The following AKAP13 variants were observed in gnomAD, a reference collection of about 807,000 sequenced individuals.
AKAP13 encodes the protein A-kinase anchor protein 13.
Under a neutral mutation model 264.5 loss-of-function variants are expected in AKAP13, and 80 were observed. The ratio of observed to expected loss-of-function variants is 0.30; its 90% confidence interval spans 0.25 to 0.36. The LOEUF is 0.36. Ranked by LOEUF, AKAP13 falls within the 10% of genes least tolerant of loss-of-function variation. The probability of loss-of-function intolerance (pLI) is 1.00; values close to 1 mark genes in which losing one functional copy is unlikely to be tolerated. For synonymous variants in AKAP13, 1,380 were observed against 1,250.2 expected (o/e 1.10, Z -2.19); for missense variants, 3,712 against 3,435.2 (o/e 1.08, Z -2.01).
intron 2 of AKAP13, among the ~76,000 whole-genome samples, chr15:85,512,362 T>G (rs2076456085): frequency 6.6e-6 from 1 of 152,174 alleles, no homozygotes; most frequent in Non-Finnish European, 1.5e-5. Context: ...TTCTCCTCCC[T>G]TCTCCACCTC....
intron 19 of AKAP13, among the ~76,000 whole-genome samples, chr15:85,715,513 C>G (rs535944237): frequency 6.6e-6 from 1 of 152,092 alleles, no homozygotes; most frequent in Non-Finnish European, 1.5e-5. Context: ...AAACTATCCT[C>G]CATGGAGTTT....
At chr15:85,728,861 T>TTTTTA (rs1442451387) in intron 29 of AKAP13, among the ~76,000 whole-genome samples, 1 of 152,092 alleles carries the variant, frequency 6.6e-6, no homozygotes, top group African/African-American at 2.4e-5. Context: ...AAAATTTTTT[T>TTTTTA]TTTTAACATG....
rs574939857 is a variant in AKAP13, at chr15:85,601,528, C to G, written c.4161+15705C>G. On this transcript the variant is annotated intron_variant, in intron 8 of 36. Coordinates refer to ENST00000394518, the MANE Select transcript of AKAP13 (RefSeq NM_007200.5). Reference sequence around the variant, plus strand: ...CCAAAATAAGAAAAGCTTTTTTTCTCTGAGACAGTAAATTTAACTTATCAC... The same window carrying G: ...CCAAAATAAGAAAAGCTTTTTTTCTGTGAGACAGTAAATTTAACTTATCAC... Among the ~76,000 whole-genome samples the G allele has an allele frequency of 6.6e-5, 10 of 151,812 alleles. No individual in the cohort carries two copies. In the East Asian group the frequency reaches 9.7e-4, roughly 15 times the overall value.
chr15:85,593,671 C>T (rs2079681398), intron 8 of AKAP13, among the ~76,000 whole-genome samples: 1 of 151,858 alleles, frequency 6.6e-6, no homozygotes, highest in Non-Finnish European at 1.5e-5. Flanking sequence ...TTTCATAGAA[C>T]TGCTGAATCA....
At chr15:85,419,160 T>C (rs1464519461) in intron 1 of AKAP13, among the ~76,000 whole-genome samples, 2 of 152,244 alleles carry the variant, frequency 1.3e-5, no homozygotes, top group African/African-American at 4.8e-5. Context: ...AAGTATAATC[T>C]TTGTATCATA....
intron 1 of AKAP13, among the ~76,000 whole-genome samples, chr15:85,391,571 C>T (rs1596019084): frequency 2.1e-5 from 3 of 145,332 alleles, no homozygotes; most frequent in African/African-American, 5.1e-5. Flanking sequence ...TGCAACCTCT[C>T]CCTTCTGGGC....
At chr15:85,721,945 G>C in intron 23 of AKAP13, 46 bp from the exon 24 acceptor site, 1 of 1,608,156 alleles carries the variant, frequency 6.2e-7, no homozygotes, top group Non-Finnish European at 8.5e-7. Context: ...ATGGTATTAT[G>C]AGTTTGGCGC....
At chr15:85,507,154 A>T (rs988635573) in intron 2 of AKAP13, among the ~76,000 whole-genome samples, 3 of 152,168 alleles carry the variant, frequency 2.0e-5, no homozygotes, top group African/African-American at 4.8e-5. Flanking sequence ...GTATGTTGGC[A>T]TGAGTTTCTT....
At chr15:85,551,862 A>G (rs2077971664) in intron 5 of AKAP13, among the ~76,000 whole-genome samples, 1 of 152,238 alleles carries the variant, frequency 6.6e-6, no homozygotes, top group Non-Finnish European at 1.5e-5. Context: ...TTCTGCTCTT[A>G]AAAGCTACAT....
At chr15:85,595,806 C>T (rs780165192) in intron 8 of AKAP13, among the ~76,000 whole-genome samples, 4 of 152,128 alleles carry the variant, frequency 2.6e-5, no homozygotes, top group Admixed American at 6.5e-5. Context: ...GGTAACTGAT[C>T]TGGCAGTAAT....
intron 5 of AKAP13, among the ~76,000 whole-genome samples, chr15:85,572,587 G>A (rs1003635256): frequency 3.3e-5 from 5 of 151,922 alleles, no homozygotes; most frequent in African/African-American, 1.2e-4. Flanking sequence ...AGTTTTTGGA[G>A]TACACTTTAT....
rs538690694 is a variant in AKAP13 at position 85,419,886 on chromosome 15, A to G, written c.-12+39088A>G. On this transcript the variant is annotated intron_variant, in intron 1 of 36. Transcript: ENST00000394518. ...GTGAGAGAAAGAAGGCACACCTTTCATATTCATCTGTCATTTCTAGAAGGC... is the reference window on the plus strand; with the variant it reads ...GTGAGAGAAAGAAGGCACACCTTTCGTATTCATCTGTCATTTCTAGAAGGC... 2.0e-5 allele frequency among the ~76,000 whole-genome samples: 3 copies of G among 150,272 alleles called. No individual in the cohort carries two copies. In the East Asian group the frequency reaches 5.9e-4, roughly 29 times the overall value.
chr15:85,404,319 A>G (rs1293826016), intron 1 of AKAP13, among the ~76,000 whole-genome samples: 3 of 152,232 alleles, frequency 2.0e-5, no homozygotes, highest in Admixed American at 6.5e-5. Flanking sequence ...TAAAAATAGT[A>G]GTTCCTCATT....
chr15:85,383,745 C>A (rs2200214), intron 1 of AKAP13, among the ~76,000 whole-genome samples: 106,732 of 152,018 alleles, frequency 0.7, 38,067 homozygotes, highest in Non-Finnish European at 0.78. Context: ...GCTATTTGGG[C>A]AACAGTGAGA....
chr15:85,708,072 A>C lies in AKAP13; in HGVS notation c.5518A>C (p.Lys1840Gln). 1 of 1,613,802 alleles carries C rather than the reference A, an allele frequency of 6.2e-7. No individual in the cohort carries two copies. The highest frequency in any genetic ancestry group is 8.5e-7 in the Non-Finnish European group (1 of 1,179,794). ...GCRESLASCA[K>Q]VKMKQPKGSL... ...CCGAGAAAGTCTAGCCTCCTGTGCA[A>C]AGGTCAAAATGAAGGTAAGACTTTC... is the stretch of plus-strand genomic sequence containing the variant. Residue 1840 changes from lysine to glutamine, a missense_variant, in exon 18 of 37, where the codon AAG becomes CAG. Physicochemically the swap from Lys to Gln is moderately conservative, Grantham distance 53 (BLOSUM62 1). This residue lies in a region of AKAP13 where 2,759 missense variants were observed against 2,411.7 expected (regional missense o/e 1.14). Transcript: ENST00000394518. This position sits in a 1 kb window ranked among gnomAD's most constrained non-coding sequence, Gnocchi z 4.3.
chr15:85,512,419 C>T (rs1279383455), intron 2 of AKAP13, among the ~76,000 whole-genome samples: 2 of 152,134 alleles, frequency 1.3e-5, no homozygotes, highest in Non-Finnish European at 2.9e-5. Flanking sequence ...TTCTCCTATA[C>T]CCTGTAGTCC....
At chr15:85,405,457 T>C (rs2071617536) in intron 1 of AKAP13, among the ~76,000 whole-genome samples, 1 of 152,222 alleles carries the variant, frequency 6.6e-6, no homozygotes, top group Non-Finnish European at 1.5e-5. Context: ...TCTAATCTTG[T>C]GTGGATACAA....
intron 8 of AKAP13, among the ~76,000 whole-genome samples, chr15:85,586,768 A>G (rs58136046): frequency 6.6e-6 from 1 of 152,028 alleles, no homozygotes; most frequent in Non-Finnish European, 1.5e-5. Context: ...TTTACTAAAA[A>G]TACAAAAAAA....
chr15:85,693,543 C>A, intron 17 of AKAP13, 92 bp downstream of exon 17: 1 of 1,553,318 alleles, frequency 6.4e-7, no homozygotes, highest in Non-Finnish European at 8.6e-7. Flanking sequence ...ATTATCTGTT[C>A]CTCATTTATG....
Sources: allele counts gnomAD v4.1 joint callset (sites outside exome capture counted in the v4.1 genomes callset), GRCh38; gene constraint gnomAD v4.1.1; regional missense constraint gnomAD v4.1.1; non-coding constraint Gnocchi (gnomAD v3.1); transcripts MANE v1.5; gene names NCBI Gene and HGNC (gene_info 2026-07-23, HGNC 2026-07-21).